The following MICAL2 variants were observed in gnomAD, a reference collection of about 807,000 sequenced individuals.
MICAL2 encodes the protein [F-actin]-monooxygenase MICAL2.
MICAL2 carries 77 observed loss-of-function variants against 127.3 expected under a neutral mutation model. The observed-to-expected ratio is 0.60, with a 90% confidence interval of 0.50 to 0.73. The LOEUF is 0.73. MICAL2 is among the 30% of genes least tolerant of loss of function. The pLI is 0.00. For missense variants in MICAL2, 1,351 were observed against 1,434.4 expected (o/e 0.94, Z 0.94); for synonymous variants, 570 against 551.1 (o/e 1.03, Z -0.48).
At chr11:12,250,437 C>T (rs1218180588) in intron 22 of MICAL2, among the ~76,000 whole-genome samples, 1 of 152,134 alleles carries the variant, frequency 6.6e-6, no homozygotes, top group African/African-American at 2.4e-5. Context: ...CCTGCATGGC[C>T]CAGGTTCTTT....
rs1859419538 is a variant in MICAL2, at chr11:12,193,073, A to G, written c.265-11177A>G. Among the ~76,000 whole-genome samples, 11 of 151,954 alleles carry G rather than the reference A, an allele frequency of 7.2e-5. No individual in the cohort carries two copies. The South Asian group carries it at 2.1e-3, about 29-fold the overall frequency. On this transcript the variant is annotated intron_variant, in intron 3 of 27. Coordinates refer to ENST00000683283, the MANE Select transcript of MICAL2 (RefSeq NM_001282663.2). Reference sequence around the variant, plus strand: ...CCCTCACTACACCACCATATCCGCTATTTTCCCAGTGATGTTCATTCAAGG... The same window carrying G: ...CCCTCACTACACCACCATATCCGCTGTTTTCCCAGTGATGTTCATTCAAGG...
Position 12,168,099 on chromosome 11 carries a change from C to A in MICAL2, c.264+5680C>A, listed in dbSNP as rs142101936. ...GGAGGAATGCTCAGGGCCAGGAGTT[C>A]GAAACCAAATTGGGCGACATAGTGA... is the stretch of plus-strand genomic sequence containing the variant. On this transcript the variant is annotated intron_variant, in intron 3 of 27. Transcript: ENST00000683283. Among the ~76,000 whole-genome samples, 26 of 151,060 alleles carry A rather than the reference C, an allele frequency of 1.7e-4. 1 individual carries two copies. In the Admixed American group the frequency reaches 1.7e-3, roughly 10 times the overall value.
intron 30 of MICAL2, among the ~76,000 whole-genome samples, chr11:12,320,958 T>C (rs1324839454): frequency 6.6e-6 from 1 of 151,696 alleles, no homozygotes. Flanking sequence ...TGTTGATTTC[T>C]GTGGTTTTCT....
intron 3 of MICAL2, among the ~76,000 whole-genome samples, chr11:12,185,036 G>T (rs539898902): frequency 4.8e-5 from 6 of 125,446 alleles, no homozygotes; most frequent in African/African-American, 1.8e-4. Flanking sequence ...TGAGGTGTTT[G>T]TAGAAGACCT....
At chr11:12,141,579 C>T (rs79275472) in intron 2 of MICAL2, among the ~76,000 whole-genome samples, 9 of 152,292 alleles carry the variant, frequency 5.9e-5, no homozygotes, top group African/African-American at 1.9e-4. Flanking sequence ...TGCCAAGCAG[C>T]ATGGGAGAAA....
At chr11:12,301,174 A>G (rs1443735086) in intron 29 of MICAL2, among the ~76,000 whole-genome samples, 4 of 152,192 alleles carry the variant, frequency 2.6e-5, no homozygotes, top group African/African-American at 9.7e-5. Context: ...TAGCACAGGA[A>G]AGACCAGCCC....
chr11:12,222,516 G>A lies in MICAL2; in HGVS notation c.1323-101G>A, dbSNP rs147241019. On this transcript the variant is annotated intron_variant, in intron 10 of 27. Transcript: ENST00000683283. The stretch of plus-strand genomic sequence containing the variant: ...GGGAAGGGTTAGACAAACATGTCCA[G>A]GAAGCCCTTGAGCCAGAGGAAGGGG... 20 of 1,477,534 alleles carry A rather than the reference G, an allele frequency of 1.4e-5. No individual in the cohort carries two copies. In the African/African-American group the frequency reaches 2.4e-4, roughly 17 times the overall value. 91.5% of individuals were successfully genotyped at this position (1,477,534 alleles called of 1,614,324 possible). A position where few individuals can be genotyped will look rare whatever the true frequency, so the allele number is the denominator to read the frequency against.
intron 15 of MICAL2, among the ~76,000 whole-genome samples, chr11:12,230,151 T>C (rs1290179970): frequency 4.6e-5 from 7 of 152,216 alleles, no homozygotes; most frequent in Non-Finnish European, 7.3e-5. Flanking sequence ...AAGTACCTTC[T>C]TCCCATCCTA....
chr11:12,330,664 G>A (rs1404971618), intron 32 of MICAL2, among the ~76,000 whole-genome samples: 2 of 152,028 alleles, frequency 1.3e-5, no homozygotes, highest in Non-Finnish European at 2.9e-5. Flanking sequence ...ACAGCAGTCA[G>A]AAATAAGCTC....
intron 32 of MICAL2, among the ~76,000 whole-genome samples, chr11:12,341,433 A>C (rs1413212994): frequency 1.3e-5 from 2 of 150,152 alleles, no homozygotes; most frequent in Non-Finnish European, 3.0e-5. Flanking sequence ...AGAAGCCTTC[A>C]GCATTACCTA....
At chr11:12,358,684 T>C (rs116231754), downstream of MICAL2, 4,635 of 393,732 alleles carry the variant, frequency 0.012, 60 homozygotes, top group Middle Eastern at 0.047. Flanking sequence ...ACCCAAAGAC[T>C]CTTTGGCAAT....
intron 22 of MICAL2, chr11:12,254,455 G>A (rs1222939079): frequency 6.6e-6 from 1 of 152,366 alleles, no homozygotes; most frequent in Non-Finnish European, 1.5e-5. Flanking sequence ...CGGGGACAAG[G>A]GGTCTCTGGA....
Position 12,162,276 on chromosome 11 carries a change from C to T in MICAL2, c.121C>T (p.Leu41=), listed in dbSNP as rs77782413. 2 of 1,614,124 alleles carry T rather than the reference C, an allele frequency of 1.2e-6. No individual in the cohort carries two copies. The highest frequency in any genetic ancestry group is 2.7e-5 in the African/African-American group (2 of 74,934). Residue 41 remains leucine (L), a synonymous_variant, in exon 3 of 28, where the codon CTA becomes TTA. Transcript: ENST00000683283. Reference sequence around the variant, plus strand: ...CAACATTCTCACACGACACCTGGACCTAGACCCTCTGGACCACAGAAACTT... The same window carrying T: ...CAACATTCTCACACGACACCTGGACTTAGACCCTCTGGACCACAGAAACTT... ...AFNILTRHLD[L]DPLDHRNFYS... is the part of the protein sequence containing the mutation.
chr11:12,169,656 T>G (rs1433789041), intron 3 of MICAL2, among the ~76,000 whole-genome samples: 1 of 152,226 alleles, frequency 6.6e-6, no homozygotes, highest in Non-Finnish European at 1.5e-5. Context: ...AGTGCTGGAA[T>G]TACAGGCATG....
intron 32 of MICAL2, among the ~76,000 whole-genome samples, chr11:12,344,807 T>G (rs901142346): frequency 1.4e-5 from 2 of 146,662 alleles, no homozygotes; most frequent in Admixed American, 6.8e-5. Context: ...GGCCTAGAAA[T>G]AATTATCAAA....
At chr11:12,231,911 A>G (rs150389216) in intron 15 of MICAL2, among the ~76,000 whole-genome samples, 1 of 152,286 alleles carries the variant, frequency 6.6e-6, no homozygotes, top group East Asian at 1.9e-4. Flanking sequence ...GCTGATTTAC[A>G]GATTGGGAAT....
intron 3 of MICAL2, among the ~76,000 whole-genome samples, chr11:12,185,826 A>C (rs1483893042): frequency 6.6e-6 from 1 of 152,140 alleles, no homozygotes; most frequent in Non-Finnish European, 1.5e-5. Flanking sequence ...ACCCTTTTGT[A>C]CTCTGTCATG....
chr11:12,227,910 T>G (rs1857682698), intron 15 of MICAL2, among the ~76,000 whole-genome samples: 5 of 152,254 alleles, frequency 3.3e-5, no homozygotes, highest in Admixed American at 3.3e-4. Flanking sequence ...TGAGTTCACA[T>G]GGTGCCATGG....
In MICAL2 at chr11:12,182,051, T is replaced by C. The variant is rs576160376; in HGVS notation, c.264+19632T>C. 3.9e-5 allele frequency among the ~76,000 whole-genome samples: 6 copies of C among 152,350 alleles called. No individual in the cohort carries two copies. In the South Asian group the frequency reaches 1.0e-3, roughly 26 times the overall value. On this transcript the variant is annotated intron_variant, in intron 3 of 27. Transcript: ENST00000683283. ...GTTGCAGATATCTCAAGCTAGGATT[T>C]ACACTTACAACTAGAAATTATTATA...
Sources: gnomAD v4.1 joint callset for allele counts (sites outside exome capture counted in the v4.1 genomes callset) on GRCh38, gnomAD v4.1.1 for gene constraint, MANE v1.5 for transcripts, NCBI Gene and HGNC (gene_info 2026-07-23, HGNC 2026-07-21) for gene names.